Variants in CISD3 observed in about 807,000 individuals in gnomAD.
The protein encoded by CISD3 is CDGSH iron sulfur domain 3.
Under a neutral mutation model 14.1 loss-of-function variants are expected in CISD3, and 11 were observed. The observed-to-expected ratio is 0.78, with a 90% confidence interval of 0.49 to 1.29. CISD3 has a LOEUF of 1.29. Among genes scored for constraint, CISD3 ranks in the 50% most tolerant of loss-of-function variants. The pLI is 0.00. For synonymous variants in CISD3, 53 were observed against 69.2 expected (o/e 0.77, Z 1.16); for missense variants, 156 against 171.6 (o/e 0.91, Z 0.51).
chr17:38,735,408 G>T lies in CISD3; in HGVS notation c.*1953G>T. Reference sequence around the variant, plus strand: ...GGCCCATGGGAACTGGGAGAGCCATGGGATGGGGTGGCTGGGCTGGGCAGG... The same window carrying T: ...GGCCCATGGGAACTGGGAGAGCCATTGGATGGGGTGGCTGGGCTGGGCAGG... On this transcript the variant is annotated 3_prime_UTR_variant, in exon 4 of 4. Coordinates refer to ENST00000613478, the MANE Select transcript of CISD3 (RefSeq NM_001136498.2). The T allele has an allele frequency of 6.4e-7, 1 of 1,573,546 alleles. No homozygotes were observed. The highest frequency in any genetic ancestry group is 2.3e-5 in the East Asian group (1 of 42,736).
rs761070339 is a variant in CISD3, at chr17:38,731,351, C to T, written c.116C>T (p.Ser39Phe). Residue 39 changes from serine to phenylalanine, a missense_variant, in exon 3 of 4, where the codon TCC becomes TTC. Transcript: ENST00000613478. Reference protein sequence around the residue: ...AQWFPRTPARSVVALKTPIKV... With the variant: ...AQWFPRTPARFVVALKTPIKV... The stretch of plus-strand genomic sequence containing the variant: ...TGGTTCCCTAGAACCCCAGCCAGGT[C>T]CGTGGTGGCCCTGAAGACCCCCATC... The T allele has an allele frequency of 6.4e-7, 1 of 1,551,540 alleles. No individual in the cohort carries two copies. The highest frequency in any genetic ancestry group is 8.7e-7 in the Non-Finnish European group (1 of 1,146,958).
chr17:38,733,318 TCTCCA>T lies in CISD3; in HGVS notation c.251_255del (p.Pro84GlnfsTer31), dbSNP rs1437603573. 7.1e-6 allele frequency: 11 copies of T among 1,551,566 alleles called. No individual in the cohort carries two copies. The highest frequency in any genetic ancestry group is 5.5e-5 in the African/African-American group (4 of 73,020). ...CCACTTCTTCCAACGCACTGGCCTATCTCCACTCAAGTTCAAGGCCCAAGAGACCC... is the reference window on the plus strand; with the variant it reads ...CCACTTCTTCCAACGCACTGGCCTATCTCAAGTTCAAGGCCCAAGAGACCC... On this transcript the variant is annotated frameshift_variant, in exon 4 of 4. Transcript: ENST00000613478. LOFTEE classifies it high-confidence loss of function.
rs924068712 is a variant in CISD3, at chr17:38,734,842, C to T, written c.*1387C>T. Reference sequence around the variant, plus strand: ...GGGTCTGAAGGGGCCCCCAACACACCACCTGCCTTGGGAAACAGCGAGGAT... The same window carrying T: ...GGGTCTGAAGGGGCCCCCAACACACTACCTGCCTTGGGAAACAGCGAGGAT... On this transcript the variant is annotated 3_prime_UTR_variant, in exon 4 of 4. Coordinates refer to ENST00000613478, the MANE Select transcript of CISD3 (RefSeq NM_001136498.2). The T allele has an allele frequency of 6.1e-6, 1 of 164,352 alleles. No homozygotes were observed. Among genetic ancestry groups the T allele is most frequent in the African/African-American group, 2.4e-5 (1 of 41,884 alleles). The allele number at this position is 164,352 out of a possible 1,614,324, so 10.2% of individuals were successfully genotyped here.
intron 1 of CISD3, 167 bp downstream of exon 1, chr17:38,730,573 A>G: frequency 1.2e-6 from 1 of 838,922 alleles, no homozygotes; most frequent in Non-Finnish European, 1.9e-6. Flanking sequence ...AGTCCCTGCC[A>G]GGACCTCCGC....
At position 38,731,335 on chromosome 17, in the gene CISD3, A is replaced by G; in HGVS notation, c.100A>G (p.Arg34Gly). ...ISSWLAQWFP[R>G]TPARSVVALK... ...CTGGCCACAGGCCCAGTGGTTCCCT[A>G]GAACCCCAGCCAGGTCCGTGGTGGC... The change falls in exon 3 of 4, where the codon AGA becomes GGA. Residue 34 changes from arginine to glycine, a missense_variant. Arg to Gly is a moderately radical substitution (Grantham distance 125). Transcript: ENST00000613478. 6.4e-7 allele frequency: 1 copy of G among 1,551,498 alleles called. No individual in the cohort carries two copies.
In CISD3 at chr17:38,730,795, G is replaced by A. The variant is rs1294497423; in HGVS notation, c.84G>A (p.Leu28=). ...LNPRRDISSW[L]AQWFPRTPAR... ...CGCGGCGGGACATCTCCTCCTGGCT[G>A]GTGAGTCCCCCCATCCTCCCCTCCT... The change falls in exon 2 of 4, where the codon CTG becomes CTA. Residue 28 remains leucine (L), a splice_region_variant and synonymous_variant. Coordinates refer to ENST00000613478, the MANE Select transcript of CISD3 (RefSeq NM_001136498.2). The A allele has an allele frequency of 1.9e-6, 3 of 1,551,592 alleles. No homozygotes were observed. Among genetic ancestry groups the A allele is most frequent in the Non-Finnish European group, 2.6e-6 (3 of 1,146,882 alleles).
At chr17:38,733,205 C>A in intron 3 of CISD3, 71 bp from the exon 4 acceptor site, 1 of 1,064,326 alleles carries the variant, frequency 9.4e-7, no homozygotes, top group South Asian at 1.4e-5. Flanking sequence ...TCCCCCTGAG[C>A]TCCTGCAGCC....
chr17:38,730,848 A>G, intron 2 of CISD3, 53 bp downstream of exon 2: 1 of 1,508,450 alleles, frequency 6.6e-7, no homozygotes, highest in Non-Finnish European at 9.0e-7. Context: ...AGGCACGGAG[A>G]TCTCAAAGGC....
Position 38,731,413 on chromosome 17 carries a change from T to G in CISD3, c.178T>G (p.Cys60Gly). ...GGTGGCAGGGAAAACCTACAGGTGG[T>G]GTGTGTGTGGCCGCAGCAAGAAGCA... is the stretch of plus-strand genomic sequence containing the variant. Reference protein sequence around the residue: ...ELVAGKTYRWCVCGRSKKQPF... With the variant: ...ELVAGKTYRWGVCGRSKKQPF... Residue 60 changes from cysteine (C) to glycine (G), a missense_variant, in exon 3 of 4, where the codon TGT becomes GGT. Coordinates refer to ENST00000613478, the MANE Select transcript of CISD3 (RefSeq NM_001136498.2). 1.3e-6 allele frequency: 2 copies of G among 1,550,976 alleles called. No homozygotes were observed. The highest frequency in any genetic ancestry group is 1.7e-6 in the Non-Finnish European group (2 of 1,146,532).
At chr17:38,732,328 C>T (rs955213057) in intron 3 of CISD3, among the ~76,000 whole-genome samples, 9 of 152,194 alleles carry the variant, frequency 5.9e-5, no homozygotes, top group Non-Finnish European at 5.9e-5. Flanking sequence ...CCCACCCTAA[C>T]TCCAATGTCA....
Position 38,734,923 on chromosome 17 carries a change from C to T in CISD3, c.*1468C>T. The T allele has an allele frequency of 4.1e-6, 1 of 243,292 alleles. No individual in the cohort carries two copies. Among genetic ancestry groups the T allele is most frequent in the South Asian group, 1.8e-4 (1 of 5,702 alleles). 15.1% of individuals were successfully genotyped at this position (243,292 alleles called of 1,614,324 possible). A position where few individuals can be genotyped will look rare whatever the true frequency, so the allele number is the denominator to read the frequency against. ...CCATCCAGTTCATCTCCAGGCACCC[C>T]CAAAAACAGCAAATTACACAAGACC... is the stretch of plus-strand genomic sequence containing the variant. On this transcript the variant is annotated 3_prime_UTR_variant, in exon 4 of 4. Transcript: ENST00000613478.
At chr17:38,731,099 C>A in intron 2 of CISD3, 1 of 674,878 alleles carries the variant, frequency 1.5e-6, no homozygotes, top group Non-Finnish European at 2.5e-6. Flanking sequence ...GCAGCTGGAC[C>A]CTGAAACCTG....
At chr17:38,732,391 G>T (rs986814439) in intron 3 of CISD3, among the ~76,000 whole-genome samples, 28 of 152,158 alleles carry the variant, frequency 1.8e-4, no homozygotes, top group African/African-American at 6.8e-4. Flanking sequence ...CCAGCACTTT[G>T]CGAGGCCAAG....
chr17:38,732,551 C>T (rs147770280), intron 3 of CISD3, among the ~76,000 whole-genome samples: 3 of 152,222 alleles, frequency 2.0e-5, no homozygotes, highest in East Asian at 1.9e-4. Flanking sequence ...GAAGGAGGAC[C>T]GCTTGACCCC....
chr17:38,735,136 G>A lies in CISD3; in HGVS notation c.*1681G>A, dbSNP rs1371100718. 9.2e-7 allele frequency: 1 copy of A among 1,089,246 alleles called. No individual in the cohort carries two copies. Among genetic ancestry groups the A allele is most frequent in the Non-Finnish European group, 1.2e-6 (1 of 828,350 alleles). 67.5% of individuals were successfully genotyped at this position (1,089,246 alleles called of 1,614,324 possible). On this transcript the variant is annotated 3_prime_UTR_variant, in exon 4 of 4. Transcript: ENST00000613478. ...CCACCCCCAAGGTGGGAAGAGCTGG[G>A]GAAAGTAGAAGAGGTGGAAAAAAGG... is the stretch of plus-strand genomic sequence containing the variant.
At chr17:38,732,585 C>T (rs905627549) in intron 3 of CISD3, among the ~76,000 whole-genome samples, 7 of 151,922 alleles carry the variant, frequency 4.6e-5, no homozygotes, top group Non-Finnish European at 7.4e-5. Context: ...TACAGTGAGC[C>T]GTGTTTGCAT....
chr17:38,730,856 GGCAGAAACAGGAAATGGAGCTAGGAA>G (rs1260512336), intron 2 of CISD3, 61 bp downstream of exon 2: 2 of 1,479,696 alleles, frequency 1.4e-6, no homozygotes, highest in African/African-American at 2.8e-5. Context: ...AGATCTCAAA[GGCAGAAACAGGAAATGGAGCTAGGAA>G]GAGTACAGGC....
Position 38,735,125 on chromosome 17 carries a change from G to C in CISD3, c.*1670G>C. 1 of 984,558 alleles carries C rather than the reference G, an allele frequency of 1.0e-6. No individual in the cohort carries two copies. The highest frequency in any genetic ancestry group is 4.1e-5 in the South Asian group (1 of 24,102). 61.0% of individuals were successfully genotyped at this position (984,558 alleles called of 1,614,324 possible). On this transcript the variant is annotated 3_prime_UTR_variant, in exon 4 of 4. Transcript: ENST00000613478. ...AAACCCGCCCCCCACCCCCAAGGTGGGAAGAGCTGGGGAAAGTAGAAGAGG... is the reference window on the plus strand; with the variant it reads ...AAACCCGCCCCCCACCCCCAAGGTGCGAAGAGCTGGGGAAAGTAGAAGAGG...
At chr17:38,730,537 C>T (rs2143730220) in intron 1 of CISD3, 131 bp downstream of exon 1, 1 of 920,184 alleles carries the variant, frequency 1.1e-6, no homozygotes, top group Non-Finnish European at 1.6e-6. Context: ...TGGCTTGCCT[C>T]AGCTCACAGG....
Sources: gnomAD v4.1 joint callset for allele counts (sites outside exome capture counted in the v4.1 genomes callset) on GRCh38, gnomAD v4.1.1 for gene constraint, MANE v1.5 for transcripts, NCBI Gene and HGNC (gene_info 2026-07-23, HGNC 2026-07-21) for gene names.